Variants in PABPC4L observed in about 807,000 individuals in gnomAD.
PABPC4L encodes the protein poly(A) binding protein cytoplasmic 4 like, also known as polyadenylate-binding protein 4-like.
For synonymous variants in PABPC4L, 169 were observed against 164.1 expected (o/e 1.03, Z -0.23); for missense variants, 452 against 451.4 (o/e 1.00, Z -0.01).
At chr4:134,061,682 C>T in the PABPC4L span, among the ~76,000 whole-genome samples, 3 of 149,514 alleles carry the variant, frequency 2.0e-5, no homozygotes, top group Admixed American at 6.7e-5. Context: ...AACATTAATC[C>T]CCTCTGTATA....
the PABPC4L span, among the ~76,000 whole-genome samples, chr4:134,164,024 G>T: frequency 1.3e-5 from 2 of 151,782 alleles, no homozygotes; most frequent in African/African-American, 4.8e-5. Flanking sequence ...AGCACTTTGG[G>T]AGGCCGAGGC....
chr4:134,126,329 G>A, the PABPC4L span, among the ~76,000 whole-genome samples: 4 of 152,132 alleles, frequency 2.6e-5, no homozygotes, highest in African/African-American at 9.7e-5. Context: ...TGCAAAGACT[G>A]TAGAGACTAT....
At chr4:134,129,630 G>A in the PABPC4L span, among the ~76,000 whole-genome samples, 1 of 151,918 alleles carries the variant, frequency 6.6e-6, no homozygotes, top group Non-Finnish European at 1.5e-5. Context: ...TTAAATTTAA[G>A]TTTAATTAAA....
At chr4:134,039,035 T>C in the PABPC4L span, among the ~76,000 whole-genome samples, 1 of 152,158 alleles carries the variant, frequency 6.6e-6, no homozygotes, top group African/African-American at 2.4e-5. Context: ...TTTGTTCTCA[T>C]TGGTTTCAAA....
At position 134,199,765 on chromosome 4, in the gene PABPC4L, T is replaced by TA; in HGVS notation, c.*141dup. 8.8e-7 allele frequency: 1 copy of TA among 1,141,540 alleles called. No individual in the cohort carries two copies. Among genetic ancestry groups the TA allele is most frequent in the South Asian group, 1.8e-5 (1 of 56,598 alleles). The allele number at this position is 1,141,540 out of a possible 1,614,324, so 70.7% of individuals were successfully genotyped here. A position where few individuals can be genotyped will look rare whatever the true frequency, so the allele number is the denominator to read the frequency against. ...ACAAAAGAAAAAAAATGGCTTTGTA[T>TA]AAAAAACGTTTTATCATAAAGTTTA... On this transcript the variant is annotated 3_prime_UTR_variant, in exon 2 of 2. Coordinates refer to ENST00000421491, the MANE Select transcript of PABPC4L (RefSeq NM_001114734.2).
At chr4:134,100,999 A>T in the PABPC4L span, among the ~76,000 whole-genome samples, 3,555 of 151,554 alleles carry the variant, frequency 0.023, 121 homozygotes, top group African/African-American at 0.08. Context: ...ATTTCCCATC[A>T]AAAACAAATG....
chr4:134,086,669 T>C, the PABPC4L span, among the ~76,000 whole-genome samples: 1 of 151,916 alleles, frequency 6.6e-6, no homozygotes. Flanking sequence ...CACAGGGACC[T>C]ATGTGGCACC....
chr4:134,064,092 C>T, the PABPC4L span, among the ~76,000 whole-genome samples: 1 of 151,884 alleles, frequency 6.6e-6, no homozygotes. Context: ...ACATGCAGAA[C>T]TTATTCTCCA....
the PABPC4L span, among the ~76,000 whole-genome samples, chr4:134,018,184 C>A: frequency 5.9e-5 from 9 of 151,990 alleles, no homozygotes; most frequent in South Asian, 1.0e-3. Flanking sequence ...ACCTTGTGAC[C>A]CCCACTCCTG....
chr4:134,097,105 C>T, the PABPC4L span, among the ~76,000 whole-genome samples: 1 of 151,832 alleles, frequency 6.6e-6, no homozygotes, highest in Non-Finnish European at 1.5e-5. Context: ...ATTTGATTAC[C>T]TGCCCTAGCC....
rs184388189 is a variant in PABPC4L at position 134,200,462 on chromosome 4, G to T, written c.558C>A (p.Ala186=). The change falls in exon 2 of 2, where the codon GCC becomes GCA. Residue 186 remains alanine, a synonymous_variant. Transcript: ENST00000421491. ...TTATGTAAACATTGGTGAATTCACT[G>T]GCTTTGCTTCTGAGTTCAGCTTCAC... The part of the protein sequence containing the change: ...KDREAELRSK[A]SEFTNVYIKN... 74 of 1,551,696 alleles carry T rather than the reference G, an allele frequency of 4.8e-5. No individual in the cohort carries two copies. The African/African-American group carries it at 8.5e-4, about 18-fold the overall frequency.
the PABPC4L span, among the ~76,000 whole-genome samples, chr4:134,160,670 G>A: frequency 6.6e-6 from 1 of 151,958 alleles, no homozygotes; most frequent in Non-Finnish European, 1.5e-5. Flanking sequence ...GAGGTCAGAA[G>A]TTAGAGTACA....
chr4:133,966,894 C>G, the PABPC4L span, among the ~76,000 whole-genome samples: 1 of 152,060 alleles, frequency 6.6e-6, no homozygotes, highest in Admixed American at 6.5e-5. Context: ...CAATGCAGAC[C>G]AGTTTGAAGG....
chr4:134,128,111 A>C, the PABPC4L span, among the ~76,000 whole-genome samples: 1 of 152,280 alleles, frequency 6.6e-6, no homozygotes, highest in South Asian at 2.1e-4. Context: ...ACGAAGACAA[A>C]GAAAAAAGAA....
the PABPC4L span, among the ~76,000 whole-genome samples, chr4:134,154,127 A>G: frequency 6.6e-6 from 1 of 152,106 alleles, no homozygotes; most frequent in Non-Finnish European, 1.5e-5. Flanking sequence ...GTATTCTTAT[A>G]GGAAACATTG....
the PABPC4L span, among the ~76,000 whole-genome samples, chr4:133,975,670 C>A: frequency 2.0e-5 from 3 of 151,980 alleles, no homozygotes. Flanking sequence ...CCCTCCTAAC[C>A]CCCATTATAA....
chr4:133,950,008 T>A, the PABPC4L span, among the ~76,000 whole-genome samples: 1 of 152,166 alleles, frequency 6.6e-6, no homozygotes. Context: ...GGCATTTTAG[T>A]TTTAAGATGA....
chr4:134,090,904 A>T, the PABPC4L span, among the ~76,000 whole-genome samples: 1 of 152,182 alleles, frequency 6.6e-6, no homozygotes, highest in East Asian at 1.9e-4. Context: ...TTGCATTTCC[A>T]TAAACTGTTA....
the PABPC4L span, among the ~76,000 whole-genome samples, chr4:134,185,161 G>A: frequency 6.6e-6 from 1 of 151,726 alleles, no homozygotes; most frequent in Admixed American, 6.6e-5. Context: ...ATATATTCCA[G>A]CTTATCTATT....
Sources: gnomAD v4.1 joint callset for allele counts (sites outside exome capture counted in the v4.1 genomes callset) on GRCh38, gnomAD v4.1.1 for gene constraint, MANE v1.5 for transcripts, NCBI Gene and HGNC (gene_info 2026-07-23, HGNC 2026-07-21) for gene names.